Variants in KCNK2 observed in about 807,000 individuals in gnomAD.
KCNK2 encodes potassium two pore domain channel subfamily K member 2.
Under a neutral mutation model 40.5 loss-of-function variants are expected in KCNK2, and 21 were observed. That is an observed-to-expected ratio of 0.52 (90% CI 0.37 to 0.75). The LOEUF is 0.75. Among genes scored for constraint, KCNK2 ranks in the 30% least tolerant of loss-of-function variants. The pLI is 0.00. For synonymous variants in KCNK2, 191 were observed against 202.2 expected, an observed-to-expected ratio of 0.94 and a Z score of 0.47; for missense variants, 399 against 531.6, an observed-to-expected ratio of 0.75 and a Z score of 2.45.
At chr1:215,177,738 A>ATTT (rs1232317385) in intron 5 of KCNK2, among the ~76,000 whole-genome samples, 9 of 51,908 alleles carry the variant, frequency 1.7e-4, no homozygotes, top group South Asian at 3.6e-4. Context: ...ATATATATAT[A>ATTT]TATTTTTTTT....
intron 1 of KCNK2, among the ~76,000 whole-genome samples, chr1:215,015,692 A>G (rs1401336961): frequency 1.3e-5 from 2 of 152,176 alleles, no homozygotes; most frequent in Admixed American, 1.3e-4. Context: ...GCACTTGTAG[A>G]TTCTTTGTTG....
chr1:215,123,488 TA>T (rs1219175324), intron 2 of KCNK2, among the ~76,000 whole-genome samples: 4 of 152,186 alleles, frequency 2.6e-5, no homozygotes, highest in African/African-American at 7.2e-5. Flanking sequence ...ATTGATATTT[TA>T]ATTCATAGAT....
chr1:215,127,518 C>T (rs1661488332), intron 3 of KCNK2, among the ~76,000 whole-genome samples: 1 of 152,120 alleles, frequency 6.6e-6, no homozygotes, highest in Non-Finnish European at 1.5e-5. Context: ...GTTGGCTTTG[C>T]CTTTAAATTA....
intron 1 of KCNK2, among the ~76,000 whole-genome samples, chr1:215,021,428 G>A (rs137999581): frequency 0.011 from 570 of 52,072 alleles, 3 homozygotes; most frequent in African/African-American, 0.022. Context: ...AGGAAGATCT[G>A]CCCTTACCCA....
intron 6 of KCNK2, among the ~76,000 whole-genome samples, chr1:215,214,388 A>C (rs373856609): frequency 5.3e-5 from 8 of 152,236 alleles, no homozygotes; most frequent in South Asian, 2.1e-4. Flanking sequence ...ATCAGCTCCC[A>C]CCAGGTCCCA....
intron 1 of KCNK2, among the ~76,000 whole-genome samples, chr1:215,029,482 T>C (rs1281269855): frequency 6.7e-6 from 1 of 148,768 alleles, no homozygotes; most frequent in Non-Finnish European, 1.5e-5. Context: ...AATAATATTG[T>C]TACTTAAGAA....
chr1:215,095,011 A>G (rs1274162727), intron 2 of KCNK2, among the ~76,000 whole-genome samples: 1 of 152,152 alleles, frequency 6.6e-6, no homozygotes, highest in Non-Finnish European at 1.5e-5. Flanking sequence ...AGTCAGACAG[A>G]CAGTATTAGA....
rs538476962 is a variant in KCNK2, at chr1:215,021,537, C to CTTTTTTTTTTT, written c.34+15598_34+15608dup. Among the ~76,000 whole-genome samples, 27 of 96,322 alleles carry CTTTTTTTTTTT rather than the reference C, an allele frequency of 2.8e-4. 3 individuals carry two copies. The highest frequency in any genetic ancestry group is 1.2e-3 in the African/African-American group (27 of 22,528). 63.2% of individuals were successfully genotyped at this position (96,322 alleles called of 152,430 possible). On this transcript the variant is annotated intron_variant, in intron 1 of 6. Coordinates refer to the KCNK2 transcript ENST00000391895. ...TCTCTTCTGGAGCTGGGACAACCATCTTTTTTTTTTTTTTTTTTTTTTTTT... is the reference window on the plus strand; with the variant it reads ...TCTCTTCTGGAGCTGGGACAACCATCTTTTTTTTTTTTTTTTTTTTTTTTTTTTTTTTTTTT...
chr1:215,042,310 A>G (rs1657598327), intron 1 of KCNK2, among the ~76,000 whole-genome samples: 1 of 152,164 alleles, frequency 6.6e-6, no homozygotes, highest in South Asian at 2.1e-4. Context: ...TACTGAACAA[A>G]TCATTCCGTT....
At chr1:215,013,004 CTTTTATG>C (rs1656460781) in intron 1 of KCNK2, among the ~76,000 whole-genome samples, 2 of 151,792 alleles carry the variant, frequency 1.3e-5, no homozygotes, top group African/African-American at 4.8e-5. Flanking sequence ...AATATTTGTA[CTTTTATG>C]TTTTACATTT....
At chr1:215,228,571 T>C (rs913219024) in intron 6 of KCNK2, among the ~76,000 whole-genome samples, 2 of 152,148 alleles carry the variant, frequency 1.3e-5, no homozygotes, top group African/African-American at 4.8e-5. Context: ...GGAACATTCA[T>C]TGTGATTTTT....
In KCNK2 at chr1:215,101,564, T is replaced by C. The variant is rs145332192; in HGVS notation, c.357+14886T>C. On this transcript the variant is annotated intron_variant, in intron 2 of 6. Coordinates refer to ENST00000444842, the MANE Select transcript of KCNK2 (RefSeq NM_001017425.3). The stretch of plus-strand genomic sequence containing the variant: ...GATGAGGTGAGGGAGGTAGACCTGG[T>C]AGGACAAGTGGTCTGGGCTTTAGGT... Among the ~76,000 whole-genome samples the C allele has an allele frequency of 7.7e-4, 117 of 152,018 alleles. 2 individuals are homozygous for C. The East Asian group carries it at 0.022, about 29-fold the overall frequency.
chr1:215,091,010 C>T (rs753144999), intron 2 of KCNK2, among the ~76,000 whole-genome samples: 11 of 152,252 alleles, frequency 7.2e-5, no homozygotes, highest in African/African-American at 1.2e-4. Flanking sequence ...TCTCTCAAGG[C>T]GCTTCTTCCT....
rs1382619022 is a variant in KCNK2 at position 215,022,674 on chromosome 1, C to A, written c.34+16719C>A. On this transcript the variant is annotated intron_variant, in intron 1 of 6. Coordinates refer to the KCNK2 transcript ENST00000391895. ...CCTAAACTTGTCTGAAGATGTGCAA[C>A]CTTCCTTCTGCCTAACTTGGCCTAT... Among the ~76,000 whole-genome samples the A allele has an allele frequency of 2.0e-5, 3 of 152,130 alleles. No individual in the cohort carries two copies. In the East Asian group the frequency reaches 5.8e-4, roughly 29 times the overall value.
chr1:215,100,183 T>A (rs181782959), intron 2 of KCNK2, among the ~76,000 whole-genome samples: 231 of 152,048 alleles, frequency 1.5e-3, no homozygotes, highest in Non-Finnish European at 1.9e-3. Context: ...TAAGGTTTTG[T>A]CCTGTTAACC....
intron 1 of KCNK2, among the ~76,000 whole-genome samples, chr1:215,056,672 T>G (rs2102504060): frequency 7.3e-6 from 1 of 136,734 alleles, no homozygotes; most frequent in South Asian, 2.4e-4. Context: ...CCCAGACTGG[T>G]TTTGCACTCC....
At chr1:215,193,900 T>C (rs1664763213) in intron 5 of KCNK2, among the ~76,000 whole-genome samples, 1 of 152,194 alleles carries the variant, frequency 6.6e-6, no homozygotes, top group African/African-American at 2.4e-5. Context: ...TTCCACACTG[T>C]GCTATTCCAT....
chr1:215,119,519 A>G (rs1158587955), intron 2 of KCNK2, among the ~76,000 whole-genome samples: 1 of 152,158 alleles, frequency 6.6e-6, no homozygotes, highest in Admixed American at 6.5e-5. Context: ...CATGTATTCA[A>G]CTAATTTTCC....
chr1:215,066,964 G>A (rs771958028), intron 1 of KCNK2, among the ~76,000 whole-genome samples: 1 of 151,938 alleles, frequency 6.6e-6, no homozygotes, highest in Non-Finnish European at 1.5e-5. Flanking sequence ...ATATTTTTAT[G>A]GTCACATACA....
Sources: gnomAD v4.1 joint callset for allele counts (sites outside exome capture counted in the v4.1 genomes callset) on GRCh38, gnomAD v4.1.1 for gene constraint, MANE v1.5 for transcripts, NCBI Gene and HGNC (gene_info 2026-07-23, HGNC 2026-07-21) for gene names.